LASP1: variants seen among roughly 807,000 people sequenced by gnomAD.
The protein encoded by LASP1 is LIM and SH3 protein 1, also known as LIM and SH3 domain protein 1.
LASP1 carries 10 observed loss-of-function variants against 38.6 expected under a neutral mutation model. The observed-to-expected ratio is 0.26, with a 90% CI of 0.16 to 0.44. The LOEUF is 0.44. LASP1 is among the 20% of genes least tolerant of loss of function. The pLI is 1.00. For missense variants in LASP1, 243 were observed against 375.7 expected (o/e 0.65, Z 2.92); for synonymous variants, 132 against 140.8 (o/e 0.94, Z 0.44).
rs748651931 is a variant in LASP1 at position 38,920,203 on chromosome 17, T to G, written c.*1425T>G. 2.0e-6 allele frequency: 1 copy of G among 500,584 alleles called. No homozygotes were observed. Among genetic ancestry groups the G allele is most frequent in the Non-Finnish European group, 3.9e-6 (1 of 255,960 alleles). The allele number at this position is 500,584 out of a possible 1,614,324, so 31.0% of individuals were successfully genotyped here. ...AAGCGGTGGAGGAAGGCTCTGTCAC[T>G]CCAGGCATATGTTTCCCCATCTCTG... On this transcript the variant is annotated 3_prime_UTR_variant, in exon 7 of 7. Transcript: ENST00000318008.
chr17:38,881,203 C>A (rs953829255), intron 2 of LASP1, among the ~76,000 whole-genome samples: 3 of 152,170 alleles, frequency 2.0e-5, no homozygotes, highest in African/African-American at 4.8e-5. Flanking sequence ...ATGTGCCAGA[C>A]GCTAGGCCGA....
At chr17:38,891,279 G>A (rs1333369327) in intron 3 of LASP1, among the ~76,000 whole-genome samples, 2 of 152,084 alleles carry the variant, frequency 1.3e-5, no homozygotes, top group Non-Finnish European at 2.9e-5. Flanking sequence ...CGTGGGCAGC[G>A]CGCCCAGGAC....
At chr17:38,893,908 G>A (rs1459591650) in intron 3 of LASP1, among the ~76,000 whole-genome samples, 1 of 152,232 alleles carries the variant, frequency 6.6e-6, no homozygotes, top group Non-Finnish European at 1.5e-5. Flanking sequence ...GGGTCAGCTG[G>A]CTTCTCTCCA....
intron 2 of LASP1, among the ~76,000 whole-genome samples, chr17:38,879,303 A>G (rs1363917727): frequency 6.6e-6 from 1 of 151,122 alleles, no homozygotes; most frequent in Admixed American, 6.6e-5. Context: ...TTACAGATGC[A>G]TGCTACCATG....
At chr17:38,894,472 C>G (rs1318262656) in intron 3 of LASP1, among the ~76,000 whole-genome samples, 2 of 152,178 alleles carry the variant, frequency 1.3e-5, no homozygotes, top group Non-Finnish European at 2.9e-5. Flanking sequence ...TGCTTAACCT[C>G]TGTGCACAGT....
At chr17:38,901,694 A>G (rs1665470231) in intron 4 of LASP1, among the ~76,000 whole-genome samples, 1 of 152,162 alleles carries the variant, frequency 6.6e-6, no homozygotes, top group Non-Finnish European at 1.5e-5. Flanking sequence ...AAAAGTCTGA[A>G]AAAGCTTCAC....
intron 2 of LASP1, among the ~76,000 whole-genome samples, chr17:38,889,032 T>C (rs1012103871): frequency 6.6e-6 from 1 of 152,258 alleles, no homozygotes; most frequent in Non-Finnish European, 1.5e-5. Context: ...AGGGGTACGC[T>C]GAATACCAGT....
At chr17:38,902,363 C>T (rs1174413473) in intron 4 of LASP1, among the ~76,000 whole-genome samples, 3 of 147,884 alleles carry the variant, frequency 2.0e-5, no homozygotes, top group Non-Finnish European at 4.5e-5. Flanking sequence ...ACCTGGCCTC[C>T]CAGGGGAGCT....
At chr17:38,906,390 A>G (rs1914776829) in intron 4 of LASP1, among the ~76,000 whole-genome samples, 1 of 152,072 alleles carries the variant, frequency 6.6e-6, no homozygotes, top group Non-Finnish European at 1.5e-5. Flanking sequence ...ATAGCTGGGC[A>G]TGGTGGTGCA....
chr17:38,911,497 T>C lies in LASP1; in HGVS notation c.358-2828T>C, dbSNP rs188404811. ...GGCGAGCTGATATGCATGAAGTGTATCAACTAGGGCTGCTGGCTGGTATCT... is the reference window on the plus strand; with the variant it reads ...GGCGAGCTGATATGCATGAAGTGTACCAACTAGGGCTGCTGGCTGGTATCT... On this transcript the variant is annotated intron_variant, in intron 4 of 6. Coordinates refer to ENST00000318008, the MANE Select transcript of LASP1 (RefSeq NM_006148.4). 3.4e-3 allele frequency among the ~76,000 whole-genome samples: 514 copies of C among 152,302 alleles called. 2 individuals are homozygous for C. Among genetic ancestry groups the C allele is most frequent in the African/African-American group, 0.012 (490 of 41,572 alleles).
intron 4 of LASP1, among the ~76,000 whole-genome samples, chr17:38,912,299 C>T (rs1402269404): frequency 6.6e-6 from 1 of 152,226 alleles, no homozygotes; most frequent in Non-Finnish European, 1.5e-5. Context: ...AAAGTGTGGG[C>T]CTTACGCCGC....
chr17:38,913,490 C>A (rs1015634219), intron 4 of LASP1, among the ~76,000 whole-genome samples: 4 of 152,200 alleles, frequency 2.6e-5, no homozygotes, highest in Non-Finnish European at 4.4e-5. Context: ...TGATCTTGGG[C>A]CACTCACTTC....
At chr17:38,909,810 C>T (rs930797993) in intron 4 of LASP1, among the ~76,000 whole-genome samples, 1 of 152,048 alleles carries the variant, frequency 6.6e-6, no homozygotes, top group Non-Finnish European at 1.5e-5. Flanking sequence ...TACAGTGGCT[C>T]GATCTCAGCT....
At chr17:38,917,911 A>G (rs1915179077) in intron 6 of LASP1, among the ~76,000 whole-genome samples, 1 of 151,868 alleles carries the variant, frequency 6.6e-6, no homozygotes, top group Non-Finnish European at 1.5e-5. Context: ...GGCCGAGGCG[A>G]GCGGATCACT....
intron 4 of LASP1, among the ~76,000 whole-genome samples, chr17:38,900,251 A>C (rs1914603618): frequency 6.7e-6 from 1 of 150,000 alleles, no homozygotes. Context: ...ATGATAGCAC[A>C]CGCCTGTGGT....
chr17:38,899,093 G>A, intron 4 of LASP1: 2 of 314,744 alleles, frequency 6.4e-6, no homozygotes, highest in Non-Finnish European at 1.3e-5. Flanking sequence ...GTGGGCAGGG[G>A]ATCAACTGTC....
chr17:38,875,206 G>C (rs1913732840), intron 1 of LASP1, among the ~76,000 whole-genome samples: 1 of 152,130 alleles, frequency 6.6e-6, no homozygotes, highest in Non-Finnish European at 1.5e-5. Context: ...CAGCTAAGTA[G>C]GCAGAGGCCA....
chr17:38,896,613 T>C (rs1423252459), intron 3 of LASP1, among the ~76,000 whole-genome samples: 1 of 152,248 alleles, frequency 6.6e-6, no homozygotes, highest in East Asian at 1.9e-4. Context: ...GGACTGGCAC[T>C]CGTTCAGCAC....
Position 38,893,316 on chromosome 17 carries a change from C to T in LASP1, c.249+2812C>T, listed in dbSNP as rs889935791. Among the ~76,000 whole-genome samples the T allele has an allele frequency of 3.3e-5, 5 of 152,332 alleles. No homozygotes were observed. The East Asian group carries it at 7.7e-4, about 24-fold the overall frequency. ...TTGTTGGAATGCAGATTCCTAGGCCCCACCCAAGGGACTTCTGCTTGGCAG... is the reference window on the plus strand; with the variant it reads ...TTGTTGGAATGCAGATTCCTAGGCCTCACCCAAGGGACTTCTGCTTGGCAG... On this transcript the variant is annotated intron_variant, in intron 3 of 6. Transcript: ENST00000318008.
Sources: allele counts gnomAD v4.1 joint callset (sites outside exome capture counted in the v4.1 genomes callset), GRCh38; gene constraint gnomAD v4.1.1; transcripts MANE v1.5; gene names NCBI Gene and HGNC (gene_info 2026-07-23, HGNC 2026-07-21).